CHST11: variants seen among roughly 807,000 people sequenced by gnomAD.
CHST11 encodes the protein carbohydrate sulfotransferase 11.
A neutral mutation model predicts 30.4 loss-of-function variants in CHST11; 9 were observed. The observed-to-expected ratio is 0.30, with a 90% CI of 0.18 to 0.52. The LOEUF (loss-of-function observed/expected upper bound fraction) is 0.52, where lower values mean the gene tolerates loss of function less well. CHST11 is among the 20% of genes least tolerant of loss of function. The probability of loss-of-function intolerance (pLI) is 0.97; values close to 1 mark genes in which losing one functional copy is unlikely to be tolerated. For missense variants in CHST11, 348 were observed against 460.6 expected, an observed-to-expected ratio of 0.76 and a Z score of 2.24; for synonymous variants, 152 against 187.8, an observed-to-expected ratio of 0.81 and a Z score of 1.56.
chr12:104,691,677 T>C (rs1359006112), intron 2 of CHST11, among the ~76,000 whole-genome samples: 1 of 152,012 alleles, frequency 6.6e-6, no homozygotes, highest in African/African-American at 2.4e-5. Context: ...CTTCATACAG[T>C]TGGGGTTTCA....
At chr12:104,668,567 A>T (rs778806408) in intron 2 of CHST11, among the ~76,000 whole-genome samples, 2 of 152,182 alleles carry the variant, frequency 1.3e-5, no homozygotes, top group African/African-American at 4.8e-5. Context: ...GCTGGAGATT[A>T]GCTGTGTTGT....
At chr12:104,684,684 A>G (rs1445844738) in intron 2 of CHST11, among the ~76,000 whole-genome samples, 1 of 152,182 alleles carries the variant, frequency 6.6e-6, no homozygotes, top group East Asian at 1.9e-4. Context: ...AGTAGCTGGG[A>G]TTACAGGCAT....
chr12:104,656,283 G>T (rs570120809), intron 2 of CHST11, among the ~76,000 whole-genome samples: 1 of 152,202 alleles, frequency 6.6e-6, no homozygotes, highest in African/African-American at 2.4e-5. Context: ...AAGTCTAGCC[G>T]CATATCACCC....
chr12:104,724,249 G>A (rs2040200062), intron 2 of CHST11, among the ~76,000 whole-genome samples: 1 of 152,126 alleles, frequency 6.6e-6, no homozygotes, highest in Non-Finnish European at 1.5e-5. Flanking sequence ...CCATGTATCT[G>A]ACGGCACCCG....
At chr12:104,611,037 C>G (rs748870872) in intron 2 of CHST11, among the ~76,000 whole-genome samples, 2 of 152,150 alleles carry the variant, frequency 1.3e-5, no homozygotes, top group Non-Finnish European at 2.9e-5. Context: ...TCTTTCCCCT[C>G]CAAGCTCCGG....
chr12:104,583,901 TG>T (rs1389795694), intron 1 of CHST11, among the ~76,000 whole-genome samples: 1 of 152,122 alleles, frequency 6.6e-6, no homozygotes, highest in Non-Finnish European at 1.5e-5. Context: ...TTAGTAGAGA[TG>T]GGGTTTCACC....
chr12:104,580,970 A>G (rs1488224317), intron 1 of CHST11, among the ~76,000 whole-genome samples: 1 of 152,198 alleles, frequency 6.6e-6, no homozygotes, highest in Non-Finnish European at 1.5e-5. Context: ...TGAAGCCTTG[A>G]ATATTGATGT....
At chr12:104,588,276 G>C (rs987981424) in intron 1 of CHST11, among the ~76,000 whole-genome samples, 1 of 152,150 alleles carries the variant, frequency 6.6e-6, no homozygotes, top group African/African-American at 2.4e-5. Context: ...TTAGGCAATT[G>C]CTGGTCTACT....
chr12:104,674,959 A>G (rs2039727286), intron 2 of CHST11, among the ~76,000 whole-genome samples: 1 of 152,204 alleles, frequency 6.6e-6, no homozygotes, highest in South Asian at 2.1e-4. Context: ...GGGCATAATA[A>G]CAGGTCCTGA....
At chr12:104,598,997 A>T (rs2038932786) in intron 1 of CHST11, among the ~76,000 whole-genome samples, 1 of 151,666 alleles carries the variant, frequency 6.6e-6, no homozygotes, top group Non-Finnish European at 1.5e-5. Context: ...AAGTGCCTGC[A>T]GCTAAGGGAG....
chr12:104,703,051 G>A (rs774852631), intron 2 of CHST11, among the ~76,000 whole-genome samples: 7 of 152,112 alleles, frequency 4.6e-5, no homozygotes, highest in Non-Finnish European at 8.8e-5. Context: ...CTGGCTTCTC[G>A]CATTCCCCAG....
At chr12:104,577,477 G>A (rs1341135626) in intron 1 of CHST11, among the ~76,000 whole-genome samples, 1 of 151,964 alleles carries the variant, frequency 6.6e-6, no homozygotes, top group Non-Finnish European at 1.5e-5. Context: ...GGATTATCGG[G>A]GTGGTAGGCT....
At chr12:104,511,251 TCTC>T (rs1366799144) in intron 1 of CHST11, among the ~76,000 whole-genome samples, 3 of 152,140 alleles carry the variant, frequency 2.0e-5, no homozygotes, top group African/African-American at 7.2e-5. Context: ...CTCCCAGCCT[TCTC>T]CTCACCTCCC....
chr12:104,635,183 C>T (rs1434910392), intron 2 of CHST11, among the ~76,000 whole-genome samples: 1 of 152,128 alleles, frequency 6.6e-6, no homozygotes, highest in Non-Finnish European at 1.5e-5. Flanking sequence ...CCCCAGGTAA[C>T]CCACGAGGGG....
intron 2 of CHST11, among the ~76,000 whole-genome samples, chr12:104,710,997 T>C (rs1205184678): frequency 1.3e-5 from 2 of 152,312 alleles, no homozygotes; most frequent in South Asian, 4.1e-4. Flanking sequence ...CAGGACCTCT[T>C]TTGGATCGAG....
chr12:104,500,693 T>C (rs1299353205), intron 1 of CHST11, among the ~76,000 whole-genome samples: 1 of 151,728 alleles, frequency 6.6e-6, no homozygotes, highest in Non-Finnish European at 1.5e-5. Context: ...AGAAGAGGAG[T>C]TGCAAATCCC....
intron 2 of CHST11, among the ~76,000 whole-genome samples, chr12:104,605,152 CAAAAAAAAAAAAA>C (rs3039180): frequency 1.1e-5 from 1 of 93,518 alleles, no homozygotes; most frequent in Admixed American, 1.2e-4. Context: ...ATCCCCTCTC[CAAAAAAAAAAAAA>C]AAAAAAAAAT....
chr12:104,751,933 GT>G (rs2040435305), intron 2 of CHST11, among the ~76,000 whole-genome samples: 1 of 152,180 alleles, frequency 6.6e-6, no homozygotes, highest in African/African-American at 2.4e-5. Flanking sequence ...CTTATATGAT[GT>G]TATCTTCTCT....
chr12:104,714,119 T>A (rs985623508), intron 2 of CHST11, among the ~76,000 whole-genome samples: 6 of 152,170 alleles, frequency 3.9e-5, no homozygotes, highest in African/African-American at 1.4e-4. Flanking sequence ...TACAAGCACA[T>A]GGATGTTTAT....
Sources: allele counts gnomAD v4.1 joint callset (sites outside exome capture counted in the v4.1 genomes callset), GRCh38; gene constraint gnomAD v4.1.1; transcripts MANE v1.5; gene names NCBI Gene and HGNC (gene_info 2026-07-23, HGNC 2026-07-21).